ABCC1: variants seen among roughly 807,000 people sequenced by gnomAD.
The protein encoded by ABCC1 is multidrug resistance-associated protein 1.
A neutral mutation model predicts 172.9 loss-of-function variants in ABCC1; 83 were observed. The observed-to-expected ratio is 0.48, with a 90% CI of 0.40 to 0.58. The LOEUF (loss-of-function observed/expected upper bound fraction) is 0.58. Among genes scored for constraint, ABCC1 ranks in the 20% least tolerant of loss-of-function variants. The probability of loss-of-function intolerance (pLI) is 0.00; values close to 1 mark genes in which losing one functional copy is unlikely to be tolerated. For missense variants in ABCC1, 1,817 were observed against 2,002.7 expected (o/e 0.91, Z 1.77); for synonymous variants, 937 against 825.2 (o/e 1.14, Z -2.32).
intron 10 of ABCC1, among the ~76,000 whole-genome samples, chr16:16,049,947 G>C (rs1029814779): frequency 6.6e-6 from 1 of 152,020 alleles, no homozygotes; most frequent in African/African-American, 2.4e-5. Context: ...ACCCTCTGTG[G>C]TCTCCCAAAG....
At position 16,043,231 on chromosome 16, in the gene ABCC1, T is replaced by G. The variant is rs535216175; in HGVS notation, c.810-1219T>G. On this transcript the variant is annotated intron_variant, in intron 7 of 30. Coordinates refer to ENST00000399410, the MANE Select transcript of ABCC1 (RefSeq NM_004996.4). ...TCTGGCTGGCTGGACTGTTTTTTTT[T>G]TTTTTTTTTTTTCCACTGATGTATA... 9.7e-5 allele frequency among the ~76,000 whole-genome samples: 11 copies of G among 112,932 alleles called. No homozygotes were observed. In the South Asian group the frequency reaches 2.4e-3, roughly 24 times the overall value. The allele number at this position is 112,932 out of a possible 152,430, so 74.1% of individuals were successfully genotyped here. A position where few individuals can be genotyped will look rare whatever the true frequency, so the allele number is the denominator to read the frequency against.
At chr16:15,997,162 G>A (rs2047086783) in intron 1 of ABCC1, among the ~76,000 whole-genome samples, 1 of 151,350 alleles carries the variant, frequency 6.6e-6, no homozygotes, top group Non-Finnish European at 1.5e-5. Flanking sequence ...TGCAATCTCG[G>A]CTCACTGCAA....
chr16:16,044,519 G>A lies in ABCC1; in HGVS notation c.879G>A (p.Ala293=), dbSNP rs372659067. The change falls in exon 8 of 31, where the codon GCG becomes GCA. Residue 293 remains alanine, a synonymous_variant. Coordinates refer to ENST00000399410, the MANE Select transcript of ABCC1 (RefSeq NM_004996.4). The stretch of plus-strand genomic sequence containing the variant: ...CGAAAGAGAGTTCCAAGGTGGATGC[G>A]AATGAGGAGGTGGAGGCTTTGATCG... ...AQPKESSKVD[A]NEEVEALIVK... The A allele has an allele frequency of 6.8e-6, 11 of 1,614,064 alleles. No individual in the cohort carries two copies. Among genetic ancestry groups the A allele is most frequent in the Admixed American group, 1.7e-5 (1 of 60,000 alleles).
At chr16:16,128,265 T>C (rs979262078) in intron 26 of ABCC1, among the ~76,000 whole-genome samples, 3 of 151,728 alleles carry the variant, frequency 2.0e-5, no homozygotes, top group East Asian at 1.9e-4. Flanking sequence ...GCAACCTCCT[T>C]CTCCTGGGTT....
intron 13 of ABCC1, 93 bp downstream of exon 13, chr16:16,068,395 C>T: frequency 6.8e-7 from 1 of 1,463,020 alleles, no homozygotes; most frequent in Non-Finnish European, 9.4e-7. Flanking sequence ...GCCTCTAGAT[C>T]ACACTCCCGG....
intron 23 of ABCC1, among the ~76,000 whole-genome samples, chr16:16,119,645 T>A (rs1404936853): frequency 6.6e-6 from 1 of 152,102 alleles, no homozygotes; most frequent in Non-Finnish European, 1.5e-5. Context: ...GAGCCAAGAT[T>A]GTGCCACTGC....
intron 1 of ABCC1, among the ~76,000 whole-genome samples, chr16:15,976,942 C>T (rs2046509185): frequency 6.6e-6 from 1 of 152,180 alleles, no homozygotes; most frequent in South Asian, 2.1e-4. Flanking sequence ...AGAGCCTGTG[C>T]CCTTGACCAC....
intron 13 of ABCC1, among the ~76,000 whole-genome samples, chr16:16,071,122 C>T (rs1376234268): frequency 6.6e-6 from 1 of 151,950 alleles, no homozygotes; most frequent in South Asian, 2.1e-4. Flanking sequence ...CTCACTCTGT[C>T]ACCCAGGCTG....
intron 1 of ABCC1, among the ~76,000 whole-genome samples, chr16:15,999,064 G>A (rs1034067895): frequency 1.3e-5 from 2 of 152,062 alleles, no homozygotes; most frequent in Non-Finnish European, 2.9e-5. Context: ...GCAGTGCTGC[G>A]ATCTCGGCTC....
intron 3 of ABCC1, among the ~76,000 whole-genome samples, chr16:16,010,781 C>A (rs45464691): frequency 0.21 from 32,455 of 152,108 alleles, 4,300 homozygotes; most frequent in African/African-American, 0.37. Flanking sequence ...GTGAGGAAAC[C>A]AGGCAAGAGA....
At chr16:16,086,756 C>T in intron 17 of ABCC1, 68 bp from the exon 18 acceptor site, 2 of 1,566,790 alleles carry the variant, frequency 1.3e-6, no homozygotes. Flanking sequence ...CCACACTCGG[C>T]CTGCTTCTAC....
intron 19 of ABCC1, among the ~76,000 whole-genome samples, chr16:16,092,577 A>G (rs1007096655): frequency 6.6e-6 from 1 of 152,210 alleles, no homozygotes; most frequent in Admixed American, 6.5e-5. Flanking sequence ...GCGGAATAAT[A>G]TGCCATTGTG....
At chr16:16,073,965 G>A (rs774369317) in intron 14 of ABCC1, among the ~76,000 whole-genome samples, 7 of 152,128 alleles carry the variant, frequency 4.6e-5, no homozygotes, top group Non-Finnish European at 7.4e-5. Flanking sequence ...CACCTAAAAC[G>A]TTTGACACGT....
intron 14 of ABCC1, among the ~76,000 whole-genome samples, chr16:16,072,324 G>C (rs568180928): frequency 5.6e-4 from 85 of 151,960 alleles, no homozygotes; most frequent in South Asian, 5.0e-3. Context: ...AGAACTACAG[G>C]CACACACAGC....
chr16:15,968,525 C>T (rs1022132801), intron 1 of ABCC1, among the ~76,000 whole-genome samples: 1 of 151,892 alleles, frequency 6.6e-6, no homozygotes, highest in African/African-American at 2.4e-5. Context: ...TGCAGGCATG[C>T]ACCACTATGT....
In ABCC1 at chr16:15,966,217, A is replaced by G. The variant is rs150400752; in HGVS notation, c.48+16418A>G. On this transcript the variant is annotated intron_variant, in intron 1 of 30. Coordinates refer to ENST00000399410, the MANE Select transcript of ABCC1 (RefSeq NM_004996.4). ...ATCACGAGGTCAGGAGTTGGAGACC[A>G]GCATGACCAACATGGTGAAACCCCA... Among the ~76,000 whole-genome samples the G allele has an allele frequency of 8.4e-3, 1,281 of 152,118 alleles. 4 individuals carry two copies. The highest frequency in any genetic ancestry group is 0.014 in the Non-Finnish European group (979 of 67,964).
At chr16:16,120,894 C>T (rs1480739464) in intron 23 of ABCC1, among the ~76,000 whole-genome samples, 1 of 152,086 alleles carries the variant, frequency 6.6e-6, no homozygotes, top group Non-Finnish European at 1.5e-5. Context: ...CACAGTCACT[C>T]CTGAGGGGAT....
intron 1 of ABCC1, among the ~76,000 whole-genome samples, chr16:15,968,324 A>G (rs1406987521): frequency 2.0e-5 from 3 of 151,926 alleles, no homozygotes; most frequent in Admixed American, 1.3e-4. Context: ...GTGAGCCACC[A>G]TGGCCAGCCT....
chr16:16,116,434 A>G (rs2044871961), intron 23 of ABCC1, among the ~76,000 whole-genome samples: 1 of 152,194 alleles, frequency 6.6e-6, no homozygotes, highest in Non-Finnish European at 1.5e-5. Flanking sequence ...TTCTGTACAT[A>G]CATACCTATG....
Sources: allele counts gnomAD v4.1 joint callset (sites outside exome capture counted in the v4.1 genomes callset), GRCh38; gene constraint gnomAD v4.1.1; transcripts MANE v1.5; gene names NCBI Gene and HGNC (gene_info 2026-07-23, HGNC 2026-07-21).